Variants in RNGTT observed in about 807,000 individuals in gnomAD.
RNGTT encodes the protein mRNA-capping enzyme.
RNGTT carries 33 observed loss-of-function variants against 79.3 expected under a neutral mutation model. The observed-to-expected ratio is 0.42, with a 90% CI of 0.32 to 0.56. The LOEUF (loss-of-function observed/expected upper bound fraction) is 0.56, where lower values mean the gene tolerates loss of function less well. Among genes scored for constraint, RNGTT ranks in the 20% least tolerant of loss-of-function variants. The pLI is 0.17. For missense variants in RNGTT, 497 were observed against 739.1 expected, an observed-to-expected ratio of 0.67 and a Z score of 3.80; for synonymous variants, 222 against 235.9, an observed-to-expected ratio of 0.94 and a Z score of 0.54.
At chr6:88,957,025 T>G (rs1785456254) in intron 1 of RNGTT, among the ~76,000 whole-genome samples, 1 of 152,152 alleles carries the variant, frequency 6.6e-6, no homozygotes, top group African/African-American at 2.4e-5. Flanking sequence ...AGAGCAAGAC[T>G]CTGTCTCAAA....
chr6:88,951,425 TTCTACCA>T (rs1400707468), intron 1 of RNGTT, among the ~76,000 whole-genome samples: 1 of 152,106 alleles, frequency 6.6e-6, no homozygotes, highest in Non-Finnish European at 1.5e-5. Flanking sequence ...CTAAAGAAAG[TTCTACCA>T]TGGCTAAAAT....
At position 88,891,682 on chromosome 6, in the gene RNGTT, C is replaced by T. The variant is rs189367155; in HGVS notation, c.794+124G>A. 1.3e-3 allele frequency: 677 copies of T among 508,828 alleles called. 8 individuals carry two copies. The highest frequency in any genetic ancestry group is 0.012 in the African/African-American group (620 of 49,998). 31.5% of individuals were successfully genotyped at this position (508,828 alleles called of 1,614,324 possible). Reference sequence around the variant, plus strand: ...ATTGATTGTCTTGAACGAAATCTGACACCTTTAAAGTATTCTATTGCAAAC... The same window carrying T: ...ATTGATTGTCTTGAACGAAATCTGATACCTTTAAAGTATTCTATTGCAAAC... On this transcript the variant is annotated intron_variant, in intron 7 of 15. Coordinates refer to ENST00000369485, the MANE Select transcript of RNGTT (RefSeq NM_003800.5).
intron 4 of RNGTT, among the ~76,000 whole-genome samples, chr6:88,916,327 G>A (rs969508985): frequency 2.6e-5 from 4 of 152,066 alleles, no homozygotes; most frequent in Non-Finnish European, 5.9e-5. Flanking sequence ...ACAAAAATTC[G>A]CCATGCATGG....
intron 14 of RNGTT, among the ~76,000 whole-genome samples, chr6:88,658,315 C>T (rs938636177): frequency 1.3e-5 from 2 of 152,190 alleles, no homozygotes; most frequent in Non-Finnish European, 2.9e-5. Context: ...CTAAACAAAA[C>T]AACAACCAAT....
At chr6:88,708,765 T>A (rs867102753) in intron 13 of RNGTT, among the ~76,000 whole-genome samples, 4 of 152,128 alleles carry the variant, frequency 2.6e-5, no homozygotes, top group South Asian at 2.1e-4. Flanking sequence ...TTTAATTTTT[T>A]AATTTTCCCT....
intron 14 of RNGTT, among the ~76,000 whole-genome samples, chr6:88,653,031 T>C (rs1376435944): frequency 6.6e-6 from 1 of 152,208 alleles, no homozygotes. Context: ...TTATCAGACA[T>C]GACTTCAGCA....
At chr6:88,828,187 GA>G (rs1259806660) in intron 11 of RNGTT, among the ~76,000 whole-genome samples, 4 of 152,152 alleles carry the variant, frequency 2.6e-5, no homozygotes, top group Admixed American at 6.5e-5. Context: ...AAAGCTTCCG[GA>G]GGAAGAACAG....
At chr6:88,889,937 C>T (rs1782987287) in intron 8 of RNGTT, among the ~76,000 whole-genome samples, 2 of 152,068 alleles carry the variant, frequency 1.3e-5, no homozygotes, top group South Asian at 4.1e-4. Flanking sequence ...CTTGATCGTG[C>T]TAAGGCACTG....
At chr6:88,896,361 AT>A (rs1783246685) in intron 6 of RNGTT, among the ~76,000 whole-genome samples, 1 of 152,160 alleles carries the variant, frequency 6.6e-6, no homozygotes, top group South Asian at 2.1e-4. Context: ...AAGCCATCAG[AT>A]TCTCTCTCCT....
At chr6:88,750,741 A>G (rs1777813303) in intron 13 of RNGTT, among the ~76,000 whole-genome samples, 1 of 152,118 alleles carries the variant, frequency 6.6e-6, no homozygotes, top group Admixed American at 6.5e-5. Context: ...TCTGTCTTGA[A>G]TGTCATTCCT....
At chr6:88,685,699 CTG>C (rs1250559342) in intron 13 of RNGTT, among the ~76,000 whole-genome samples, 4 of 151,922 alleles carry the variant, frequency 2.6e-5, no homozygotes, top group Admixed American at 2.0e-4. Flanking sequence ...GGGGGAAAGA[CTG>C]TATTGTTATA....
In RNGTT at chr6:88,770,513, T is replaced by C. The variant is rs141494136; in HGVS notation, c.1339-639A>G. Among the ~76,000 whole-genome samples, 13 of 152,346 alleles carry C rather than the reference T, an allele frequency of 8.5e-5. No individual in the cohort carries two copies. The East Asian group carries it at 1.9e-3, about 23-fold the overall frequency. On this transcript the variant is annotated intron_variant, in intron 12 of 15. Coordinates refer to ENST00000369485, the MANE Select transcript of RNGTT (RefSeq NM_003800.5). The stretch of plus-strand genomic sequence containing the variant: ...TTCATTGCTGACTAGGATTCCATTG[T>C]ATGTATATACCACAAATTGTTTACA...
chr6:88,690,709 C>T (rs1448973689), intron 13 of RNGTT, among the ~76,000 whole-genome samples: 1 of 151,990 alleles, frequency 6.6e-6, no homozygotes, highest in Non-Finnish European at 1.5e-5. Flanking sequence ...GACACCCCAT[C>T]TCAAAAATAA....
At position 88,829,701 on chromosome 6, in the gene RNGTT, CA is replaced by C. The variant is rs766593092; in HGVS notation, c.1269+14655del. Among the ~76,000 whole-genome samples the C allele has an allele frequency of 8.8e-3, 419 of 47,626 alleles. 2 individuals are homozygous for C. Among genetic ancestry groups the C allele is most frequent in the South Asian group, 0.024 (33 of 1,356 alleles). 31.2% of individuals were successfully genotyped at this position (47,626 alleles called of 152,430 possible). A position where few individuals can be genotyped will look rare whatever the true frequency, so the allele number is the denominator to read the frequency against. On this transcript the variant is annotated intron_variant, in intron 11 of 15. Coordinates refer to ENST00000369485, the MANE Select transcript of RNGTT (RefSeq NM_003800.5). Reference sequence around the variant, plus strand: ...GATGATTTACCAAGCAAATGGAAAGCAAAAAAAAAAAAAAAAAAAAAAACCA... The same window carrying C: ...GATGATTTACCAAGCAAATGGAAAGCAAAAAAAAAAAAAAAAAAAAAACCA...
chr6:88,747,251 G>A (rs1777689775), intron 13 of RNGTT, among the ~76,000 whole-genome samples: 2 of 152,210 alleles, frequency 1.3e-5, no homozygotes, highest in East Asian at 1.9e-4. Flanking sequence ...TTATCAGTCC[G>A]TCCTGCACAT....
intron 12 of RNGTT, among the ~76,000 whole-genome samples, chr6:88,786,815 T>A (rs1779243198): frequency 6.6e-6 from 1 of 152,310 alleles, no homozygotes; most frequent in African/African-American, 2.4e-5. Context: ...AACTCCTATG[T>A]TTAAATCCTA....
intron 14 of RNGTT, among the ~76,000 whole-genome samples, chr6:88,628,549 A>T (rs1772722838): frequency 6.6e-6 from 1 of 152,132 alleles, no homozygotes; most frequent in South Asian, 2.1e-4. Flanking sequence ...TTTATAGCCA[A>T]TATATTTATA....
At chr6:88,774,020 C>G (rs780240647) in intron 12 of RNGTT, among the ~76,000 whole-genome samples, 7 of 152,048 alleles carry the variant, frequency 4.6e-5, no homozygotes, top group Non-Finnish European at 8.8e-5. Context: ...AGTGAAAAGA[C>G]AACCTACAGA....
At chr6:88,839,935 C>T (rs570604214) in intron 11 of RNGTT, among the ~76,000 whole-genome samples, 13 of 152,118 alleles carry the variant, frequency 8.5e-5, no homozygotes, top group Non-Finnish European at 1.8e-4. Flanking sequence ...TCAAATTAAA[C>T]AAAACAAAGA....
Sources: gnomAD v4.1 joint callset for allele counts (sites outside exome capture counted in the v4.1 genomes callset) on GRCh38, gnomAD v4.1.1 for gene constraint, MANE v1.5 for transcripts, NCBI Gene and HGNC (gene_info 2026-07-23, HGNC 2026-07-21) for gene names.